The following NUDCD2 variants were observed in gnomAD, a reference collection of about 807,000 sequenced individuals.
NUDCD2 encodes NudC domain containing 2.
A neutral mutation model predicts 20.8 loss-of-function variants in NUDCD2; 16 were observed. The ratio of observed to expected loss-of-function variants is 0.77; its 90% confidence interval spans 0.52 to 1.17. NUDCD2 has a LOEUF of 1.17. Ranked by LOEUF, NUDCD2 falls within the 50% of genes most tolerant of loss-of-function variation. The probability of loss-of-function intolerance (pLI) is 0.00; values close to 1 mark genes in which losing one functional copy is unlikely to be tolerated. For synonymous variants in NUDCD2, 87 were observed against 72.8 expected, an observed-to-expected ratio of 1.20 and a Z score of -1.00; for missense variants, 199 against 193.9, an observed-to-expected ratio of 1.03 and a Z score of -0.16.
At chr5:163,454,115 G>C in intron 3 of NUDCD2, 65 bp from the exon 4 acceptor site, 1 of 773,650 alleles carries the variant, frequency 1.3e-6, no homozygotes, top group Non-Finnish European at 2.0e-6. Flanking sequence ...GTACAAACTG[G>C]CAATTGATAA....
In NUDCD2 at chr5:163,448,637, CATG is replaced by C. The variant is rs1758102073; in HGVS notation, c.*5327_*5329del. ...ATTCATTTTACAAGACCAGAATTAA[CATG>C]ATACCATACCAAGATAAAGATAACA... On this transcript the variant is annotated 3_prime_UTR_variant, in exon 4 of 4. Transcript: ENST00000302764. 6.6e-6 allele frequency: 1 copy of C among 152,118 alleles called. No individual in the cohort carries two copies. Among genetic ancestry groups the C allele is most frequent in the East Asian group, 1.9e-4 (1 of 5,194 alleles). The allele number at this position is 152,118 out of a possible 1,614,324, so 9.4% of individuals were successfully genotyped here. A position where few individuals can be genotyped will look rare whatever the true frequency, so the allele number is the denominator to read the frequency against.
intron 1 of NUDCD2, among the ~76,000 whole-genome samples, chr5:163,458,335 A>T (rs528192572): frequency 3.9e-5 from 6 of 152,200 alleles, no homozygotes; most frequent in African/African-American, 1.2e-4. Context: ...TTGTTGGGCA[A>T]TCGGCATTAA....
Position 163,448,464 on chromosome 5 carries a change from A to G in NUDCD2, c.*5503T>C, listed in dbSNP as rs1475692681. On this transcript the variant is annotated 3_prime_UTR_variant, in exon 4 of 4. Coordinates refer to ENST00000302764, the MANE Select transcript of NUDCD2 (RefSeq NM_145266.6). ...TAGATGAACCAATTCCTTGAAAGGCATACAGTACCCAAACTTAAATAAACC... is the reference window on the plus strand; with the variant it reads ...TAGATGAACCAATTCCTTGAAAGGCGTACAGTACCCAAACTTAAATAAACC... The G allele has an allele frequency of 6.6e-6, 1 of 152,174 alleles. No individual in the cohort carries two copies. Among genetic ancestry groups the G allele is most frequent in the Non-Finnish European group, 1.5e-5 (1 of 68,024 alleles). The allele number at this position is 152,174 out of a possible 1,614,324, so 9.4% of individuals were successfully genotyped here.
intron 3 of NUDCD2, 75 bp downstream of exon 3, chr5:163,456,853 AG>A: frequency 9.7e-7 from 1 of 1,029,610 alleles, no homozygotes; most frequent in Non-Finnish European, 1.3e-6. Flanking sequence ...ATGACATTTG[AG>A]TTTTAATTTC....
chr5:163,457,347 G>A (rs1246960206), intron 2 of NUDCD2, among the ~76,000 whole-genome samples: 1 of 151,992 alleles, frequency 6.6e-6, no homozygotes, highest in African/African-American at 2.4e-5. Context: ...GGCCAGGGTG[G>A]TCTCAAGAAG....
chr5:163,457,175 A>T, intron 2 of NUDCD2, 95 bp from the exon 3 acceptor site: 9 of 1,271,570 alleles, frequency 7.1e-6, no homozygotes, highest in Non-Finnish European at 9.4e-6. Flanking sequence ...ACTCTCACCC[A>T]GGCTGGAGTG....
chr5:163,456,088 T>A (rs947552361), intron 3 of NUDCD2, among the ~76,000 whole-genome samples: 2 of 152,158 alleles, frequency 1.3e-5, no homozygotes, highest in Non-Finnish European at 2.9e-5. Flanking sequence ...AACTTGGACA[T>A]GTTGAGCTTA....
chr5:163,454,785 A>G (rs139134089), intron 3 of NUDCD2, among the ~76,000 whole-genome samples: 2 of 152,334 alleles, frequency 1.3e-5, no homozygotes, highest in Non-Finnish European at 2.9e-5. Context: ...CGTTTATCCA[A>G]CAAACATTTG....
In NUDCD2 at chr5:163,449,130, TTCCTA is replaced by T. The variant is rs1432519463; in HGVS notation, c.*4832_*4836del. On this transcript the variant is annotated 3_prime_UTR_variant, in exon 4 of 4. Coordinates refer to ENST00000302764, the MANE Select transcript of NUDCD2 (RefSeq NM_145266.6). ...GACTAAAAAGAATAAAATAAAACTGTTCCTATTCGTAGTTTATGTAGAAAACTTAA... is the reference window on the plus strand; with the variant it reads ...GACTAAAAAGAATAAAATAAAACTGTTTCGTAGTTTATGTAGAAAACTTAA... 6.6e-6 allele frequency: 1 copy of T among 152,058 alleles called. No individual in the cohort carries two copies. Among genetic ancestry groups the T allele is most frequent in the East Asian group, 1.9e-4 (1 of 5,176 alleles). 9.4% of individuals were successfully genotyped at this position (152,058 alleles called of 1,614,324 possible).
intron 2 of NUDCD2, 101 bp from the exon 3 acceptor site, chr5:163,457,181 G>C: frequency 8.1e-7 from 1 of 1,240,642 alleles, no homozygotes; most frequent in Non-Finnish European, 1.1e-6. Context: ...ACCCAGGCTG[G>C]AGTGCAGCGG....
intron 3 of NUDCD2, among the ~76,000 whole-genome samples, 154 bp downstream of exon 3, chr5:163,456,775 C>T (rs1003980330): frequency 4.6e-5 from 7 of 152,140 alleles, no homozygotes; most frequent in Non-Finnish European, 8.8e-5. Context: ...CAAATCCATA[C>T]AAGAAAGGCC....
chr5:163,454,916 AC>A (rs1339393924), intron 3 of NUDCD2, among the ~76,000 whole-genome samples: 1 of 152,200 alleles, frequency 6.6e-6, no homozygotes, highest in Non-Finnish European at 1.5e-5. Flanking sequence ...CCATAAATCA[AC>A]CAGTACAGGG....
chr5:163,460,036 A>C lies in NUDCD2; in HGVS notation c.15T>G (p.Phe5Leu), dbSNP rs761102187. 1.9e-6 allele frequency: 3 copies of C among 1,592,776 alleles called. No individual in the cohort carries two copies. In the Admixed American group the frequency reaches 5.4e-5, roughly 29 times the overall value. Residue 5 changes from phenylalanine (F) to leucine (L), a missense_variant, in exon 1 of 4, where the codon TTT becomes TTG. By Grantham distance (22) the Phe-to-Leu change is conservative. Transcript: ENST00000302764. MSAP[F>L]EERSGVVPCG... ...ACGGTACCACCCCACTCCGCTCCTC[A>C]AACGGGGCCGACATAATCCAGTCCC...
Position 163,452,649 on chromosome 5 carries a change from A to G in NUDCD2, c.*1318T>C, listed in dbSNP as rs1758205926. 1 of 152,262 alleles carries G rather than the reference A, an allele frequency of 6.6e-6. No individual in the cohort carries two copies. The highest frequency in any genetic ancestry group is 2.4e-5 in the African/African-American group (1 of 41,468). 9.4% of individuals were successfully genotyped at this position (152,262 alleles called of 1,614,324 possible). A position where few individuals can be genotyped will look rare whatever the true frequency, so the allele number is the denominator to read the frequency against. On this transcript the variant is annotated 3_prime_UTR_variant, in exon 4 of 4. Coordinates refer to ENST00000302764, the MANE Select transcript of NUDCD2 (RefSeq NM_145266.6). ...ACTACAGTGGAGAAGTCTGGCAGACACTACCTTAATCAGTCATCTAAGAAA... is the reference window on the plus strand; with the variant it reads ...ACTACAGTGGAGAAGTCTGGCAGACGCTACCTTAATCAGTCATCTAAGAAA...
chr5:163,456,375 T>C (rs1758310554), intron 3 of NUDCD2, among the ~76,000 whole-genome samples: 1 of 152,116 alleles, frequency 6.6e-6, no homozygotes, highest in Admixed American at 6.6e-5. Context: ...AACAGCCAAA[T>C]AATGATGACA....
In NUDCD2 at chr5:163,452,457, A is replaced by T. The variant is rs1418160270; in HGVS notation, c.*1510T>A. On this transcript the variant is annotated 3_prime_UTR_variant, in exon 4 of 4. Transcript: ENST00000302764. Reference sequence around the variant, plus strand: ...AGGCCACCCAGAATGGACTTCTACCAGCCAAATGTACAATAATTTTGAGCA... The same window carrying T: ...AGGCCACCCAGAATGGACTTCTACCTGCCAAATGTACAATAATTTTGAGCA... 6.6e-6 allele frequency: 1 copy of T among 152,216 alleles called. No homozygotes were observed. The highest frequency in any genetic ancestry group is 1.5e-5 in the Non-Finnish European group (1 of 68,034). 9.4% of individuals were successfully genotyped at this position (152,216 alleles called of 1,614,324 possible).
At position 163,450,635 on chromosome 5, in the gene NUDCD2, A is replaced by G. The variant is rs1181603052; in HGVS notation, c.*3332T>C. Reference sequence around the variant, plus strand: ...ATAGAGATCCCATTTCATATCCACTAGAGTGACTAAAATCAAAATGTCAGG... The same window carrying G: ...ATAGAGATCCCATTTCATATCCACTGGAGTGACTAAAATCAAAATGTCAGG... On this transcript the variant is annotated 3_prime_UTR_variant, in exon 4 of 4. Coordinates refer to ENST00000302764, the MANE Select transcript of NUDCD2 (RefSeq NM_145266.6). 2.0e-5 allele frequency: 3 copies of G among 152,228 alleles called. No individual in the cohort carries two copies. The highest frequency in any genetic ancestry group is 7.2e-5 in the African/African-American group (3 of 41,452). 9.4% of individuals were successfully genotyped at this position (152,228 alleles called of 1,614,324 possible).
rs574460675 is a variant in NUDCD2, at chr5:163,452,479, A to C, written c.*1488T>G. The C allele has an allele frequency of 1.3e-5, 2 of 152,164 alleles. No homozygotes were observed. Among genetic ancestry groups the C allele is most frequent in the Non-Finnish European group, 2.9e-5 (2 of 68,044 alleles). 9.4% of individuals were successfully genotyped at this position (152,164 alleles called of 1,614,324 possible). The stretch of plus-strand genomic sequence containing the variant: ...ACCAGCCAAATGTACAATAATTTTG[A>C]GCACCAATGTAATGATAATAGGTTT... On this transcript the variant is annotated 3_prime_UTR_variant, in exon 4 of 4. Coordinates refer to ENST00000302764, the MANE Select transcript of NUDCD2 (RefSeq NM_145266.6).
Position 163,451,316 on chromosome 5 carries a change from T to C in NUDCD2, c.*2651A>G, listed in dbSNP as rs771226115. On this transcript the variant is annotated 3_prime_UTR_variant, in exon 4 of 4. Transcript: ENST00000302764. The stretch of plus-strand genomic sequence containing the variant: ...TTTTCTTAATTATATATGATCCCAT[T>C]TATAACATGCTTGAAGACAAAAATA... The C allele has an allele frequency of 9.2e-5, 14 of 152,182 alleles. No homozygotes were observed. The highest frequency in any genetic ancestry group is 2.0e-4 in the Admixed American group (3 of 15,270). The allele number at this position is 152,182 out of a possible 1,614,324, so 9.4% of individuals were successfully genotyped here.
Sources: gnomAD v4.1 joint callset for allele counts (sites outside exome capture counted in the v4.1 genomes callset) on GRCh38, gnomAD v4.1.1 for gene constraint, MANE v1.5 for transcripts, NCBI Gene and HGNC (gene_info 2026-07-23, HGNC 2026-07-21) for gene names.